Variants in PSMC5 observed in about 807,000 individuals in gnomAD.
The protein encoded by PSMC5 is 26S proteasome regulatory subunit 8.
In PSMC5, 11 loss-of-function variants were observed where a neutral mutation model predicts 49.1. The observed-to-expected ratio is 0.22, with a 90% CI of 0.14 to 0.37. The LOEUF (loss-of-function observed/expected upper bound fraction) is 0.37. Among genes scored for constraint, PSMC5 ranks in the 10% least tolerant of loss-of-function variants. PSMC5 has a pLI of 1.00. For missense variants in PSMC5, 229 were observed against 520.9 expected (o/e 0.44, Z 5.45); for synonymous variants, 206 against 192.2 (o/e 1.07, Z -0.59).
intron 1 of PSMC5, chr17:63,827,755 G>T: frequency 7.0e-7 from 1 of 1,432,804 alleles, no homozygotes; most frequent in South Asian, 1.5e-5. Flanking sequence ...GATGGGCGCG[G>T]GAATGGCCGG....
chr17:63,830,531 A>G lies in PSMC5; in HGVS notation c.552+30A>G, dbSNP rs375105001. On this transcript the variant is annotated intron_variant, in intron 6 of 11. Transcript: ENST00000310144. This position sits in a 1 kb window ranked among gnomAD's most constrained non-coding sequence, Gnocchi z 4.0. ...GGAGCAGGGCTTCTCTGAGAGGGCC[A>G]AGCTGTACTTACTCCTCCTGCCCCA... is the stretch of plus-strand genomic sequence containing the variant. 41 of 1,610,558 alleles carry G rather than the reference A, an allele frequency of 2.5e-5. 1 individual carries two copies.
intron 2 of PSMC5, chr17:63,828,807 G>C (rs761070642): frequency 6.5e-6 from 1 of 154,738 alleles, no homozygotes; most frequent in Non-Finnish European, 1.4e-5. Flanking sequence ...TAGTCTGTTA[G>C]TGTTACGTTA....
rs767548760 is a variant in PSMC5 at position 63,831,880 on chromosome 17, T to G, written c.1168-36T>G. On this transcript the variant is annotated intron_variant, in intron 11 of 11. Coordinates refer to ENST00000310144, the MANE Select transcript of PSMC5 (RefSeq NM_002805.6). The surrounding 1 kb of genome is among the most constrained non-coding windows in gnomAD (Gnocchi z 6.3). Reference sequence around the variant, plus strand: ...GCAGTGGGCTAGGGCATGTGTGTGTTCGTAACTTAATGTTCATTCTCTCTC... The same window carrying G: ...GCAGTGGGCTAGGGCATGTGTGTGTGCGTAACTTAATGTTCATTCTCTCTC... 6.2e-7 allele frequency: 1 copy of G among 1,613,072 alleles called. No individual in the cohort carries two copies. The highest frequency in any genetic ancestry group is 2.2e-5 in the East Asian group (1 of 44,882).
chr17:63,829,436 C>T, intron 2 of PSMC5, 58 bp from the exon 3 acceptor site: 1 of 1,507,180 alleles, frequency 6.6e-7, no homozygotes, highest in Non-Finnish European at 9.0e-7. Flanking sequence ...TGGCCAAGAT[C>T]CTACCTCCTC....
In PSMC5 at chr17:63,831,089, A is replaced by G; in HGVS notation, c.733A>G (p.Ile245Val). The G allele has an allele frequency of 2.6e-6, 4 of 1,568,114 alleles. No individual in the cohort carries two copies. The highest frequency in any genetic ancestry group is 3.5e-6 in the Non-Finnish European group (4 of 1,156,638). ...CATGGCACGGGAACATGCTCCATCT[A>G]TCATCTTCATGGACGAAATCGACTC... Reference protein sequence around the residue: ...FVMAREHAPSIIFMDEIDSIG... With the variant: ...FVMAREHAPSVIFMDEIDSIG... The change falls in exon 8 of 12, where the codon ATC becomes GTC. Residue 245 changes from isoleucine to valine, a missense_variant. Ile to Val is a conservative substitution (Grantham distance 29). Around this residue, in one of 4 missense-constraint regions of PSMC5, gnomAD observed 121 missense variants for 330.6 expected, o/e 0.37. Coordinates refer to ENST00000310144, the MANE Select transcript of PSMC5 (RefSeq NM_002805.6). This position sits in a 1 kb window ranked among gnomAD's most constrained non-coding sequence, Gnocchi z 6.3.
At position 63,831,299 on chromosome 17, in the gene PSMC5, C is replaced by T. The variant is rs1184857204; in HGVS notation, c.871-28C>T. 4 of 1,612,822 alleles carry T rather than the reference C, an allele frequency of 2.5e-6. No individual in the cohort carries two copies. The highest frequency in any genetic ancestry group is 3.4e-6 in the Non-Finnish European group (4 of 1,179,410). On this transcript the variant is annotated intron_variant, in intron 8 of 11. Coordinates refer to ENST00000310144, the MANE Select transcript of PSMC5 (RefSeq NM_002805.6). The surrounding 1 kb of genome is among the most constrained non-coding windows in gnomAD (Gnocchi z 6.3). Reference sequence around the variant, plus strand: ...CACGCAGGCTGAGGAAGAGGTTTAGCTGATCCCCACTTGCTTTCTCTGCTC... The same window carrying T: ...CACGCAGGCTGAGGAAGAGGTTTAGTTGATCCCCACTTGCTTTCTCTGCTC...
chr17:63,830,774 A>G lies in PSMC5; in HGVS notation c.553-35A>G, dbSNP rs2040174441. ...GTTCACTGAATGAAATGAGGGGTGT[A>G]GCTTTCTGCCCTGAGTCCTGCTGTT... On this transcript the variant is annotated intron_variant, in intron 6 of 11. Coordinates refer to ENST00000310144, the MANE Select transcript of PSMC5 (RefSeq NM_002805.6). This position sits in a 1 kb window ranked among gnomAD's most constrained non-coding sequence, Gnocchi z 4.0. The G allele has an allele frequency of 1.2e-6, 2 of 1,611,770 alleles. No homozygotes were observed.
intron 3 of PSMC5, 71 bp from the exon 4 acceptor site, chr17:63,829,781 T>G: frequency 1.4e-6 from 2 of 1,477,016 alleles, no homozygotes; most frequent in Admixed American, 1.7e-5. Context: ...GCTTAGCTCA[T>G]GCACGTAGAA....
At position 63,831,979 on chromosome 17, in the gene PSMC5, C is replaced by G. The variant is rs1409589843; in HGVS notation, c.*10C>G. ...GAAATTATGGAAGTGAGTGGACAGC[C>G]TTTGTGTGTATCTCTCCAATAAAGC... is the stretch of plus-strand genomic sequence containing the variant. On this transcript the variant is annotated 3_prime_UTR_variant, in exon 12 of 12. Coordinates refer to ENST00000310144, the MANE Select transcript of PSMC5 (RefSeq NM_002805.6). This position sits in a 1 kb window ranked among gnomAD's most constrained non-coding sequence, Gnocchi z 6.3. The G allele has an allele frequency of 2.5e-6, 4 of 1,612,126 alleles. No homozygotes were observed. The African/African-American group carries it at 5.3e-5, about 22-fold the overall frequency.
intron 2 of PSMC5, chr17:63,829,262 C>T (rs2144617090): frequency 2.1e-6 from 1 of 481,526 alleles, no homozygotes; most frequent in Non-Finnish European, 3.7e-6. Flanking sequence ...GATTCTGTTA[C>T]TCCTGGACCA....
At chr17:63,827,662 C>A (rs2040126525) in intron 1 of PSMC5, 148 bp downstream of exon 1, 1 of 1,490,202 alleles carries the variant, frequency 6.7e-7, no homozygotes. Context: ...GCGACCGGAT[C>A]TGCTGTGTCA....
At chr17:63,827,833 G>C (rs1258517270) in intron 1 of PSMC5, 8 of 1,429,786 alleles carry the variant, frequency 5.6e-6, no homozygotes, top group Non-Finnish European at 7.3e-6. Context: ...CGTCAGTACT[G>C]ACACCTCGGG....
chr17:63,827,486 A>G lies in PSMC5; in HGVS notation c.-5A>G. On this transcript the variant is annotated 5_prime_UTR_variant, in exon 1 of 12. Coordinates refer to ENST00000310144, the MANE Select transcript of PSMC5 (RefSeq NM_002805.6). ...GATGCCGGCGGTCTCTGCTGAAGAG[A>G]GAAGATGGCGCTTGACGGACCAGAG... The G allele has an allele frequency of 6.4e-7, 1 of 1,551,654 alleles. No homozygotes were observed. The highest frequency in any genetic ancestry group is 2.0e-5 in the Admixed American group (1 of 50,998).
In PSMC5 at chr17:63,831,282, C is replaced by G; in HGVS notation, c.871-45C>G. On this transcript the variant is annotated intron_variant, in intron 8 of 11. Transcript: ENST00000310144. This position sits in a 1 kb window ranked among gnomAD's most constrained non-coding sequence, Gnocchi z 6.3. ...AGGGAAGGCCTGGGTGCCACGCAGGCTGAGGAAGAGGTTTAGCTGATCCCC... is the reference window on the plus strand; with the variant it reads ...AGGGAAGGCCTGGGTGCCACGCAGGGTGAGGAAGAGGTTTAGCTGATCCCC... 1 of 1,611,092 alleles carries G rather than the reference C, an allele frequency of 6.2e-7. No homozygotes were observed.
At chr17:63,829,396 T>C in intron 2 of PSMC5, 98 bp from the exon 3 acceptor site, 2 of 1,081,304 alleles carry the variant, frequency 1.8e-6, no homozygotes, top group Non-Finnish European at 2.8e-6. Flanking sequence ...CCTGTGCCCT[T>C]CCCTCAGCTC....
Position 63,830,032 on chromosome 17 carries a change from C to G in PSMC5, c.264+83C>G. Reference sequence around the variant, plus strand: ...GTGTGTAGCCTCGGGAGACAGGGTTCTGTGTTCTGTCAAGGTATTGTGGGA... The same window carrying G: ...GTGTGTAGCCTCGGGAGACAGGGTTGTGTGTTCTGTCAAGGTATTGTGGGA... On this transcript the variant is annotated intron_variant, in intron 4 of 11. Transcript: ENST00000310144. This position sits in a 1 kb window ranked among gnomAD's most constrained non-coding sequence, Gnocchi z 4.0. The G allele has an allele frequency of 6.4e-7, 1 of 1,563,578 alleles. No homozygotes were observed. The highest frequency in any genetic ancestry group is 8.7e-7 in the Non-Finnish European group (1 of 1,149,038).
At position 63,830,732 on chromosome 17, in the gene PSMC5, C is replaced by A. The variant is rs1041531933; in HGVS notation, c.553-77C>A. The A allele has an allele frequency of 2.3e-5, 36 of 1,568,008 alleles. No homozygotes were observed. Among genetic ancestry groups the A allele is most frequent in the Admixed American group, 9.2e-5 (5 of 54,598 alleles). The stretch of plus-strand genomic sequence containing the variant: ...TGTATCCCTAACATCTAGCAAGGGA[C>A]CCAGCACTCGGTAAATGTTCACTGA... On this transcript the variant is annotated intron_variant, in intron 6 of 11. Transcript: ENST00000310144. The surrounding 1 kb of genome is among the most constrained non-coding windows in gnomAD (Gnocchi z 4.0).
rs1312638077 is a variant in PSMC5 at position 63,828,170 on chromosome 17, A to G, written c.57A>G (p.Gly19=). 2 of 1,613,880 alleles carry G rather than the reference A, an allele frequency of 1.2e-6. No homozygotes were observed. The highest frequency in any genetic ancestry group is 1.7e-6 in the Non-Finnish European group (2 of 1,179,978). Residue 19 remains glycine (G), a synonymous_variant, in exon 2 of 12, where the codon GGA becomes GGG. Coordinates refer to ENST00000310144, the MANE Select transcript of PSMC5 (RefSeq NM_002805.6). The part of the protein sequence containing the change: ...MELEEGKAGS[G]LRQYYLSKIE... ...TGGAGGAGGGGAAGGCAGGCAGCGG[A>G]CTCCGCCAATATTATCTGTCCAAGA...
At position 63,829,532 on chromosome 17, in the gene PSMC5, G is replaced by T. The variant is rs1428040715; in HGVS notation, c.135G>T (p.Leu45=). The change falls in exon 3 of 12, where the codon CTG becomes CTT. Residue 45 remains leucine (L), a synonymous_variant. Transcript: ENST00000310144. ...ATAAGAGCCAAAACCTCCGGAGGCT[G>T]CAGGCACAGAGGAACGAACTAAATG... ...VNDKSQNLRR[L]QAQRNELNAK... 5 of 1,555,840 alleles carry T rather than the reference G, an allele frequency of 3.2e-6. No homozygotes were observed. The Admixed American group carries it at 7.7e-5, about 24-fold the overall frequency.
Sources: gnomAD v4.1 joint callset for allele counts on GRCh38, gnomAD v4.1.1 for gene constraint, gnomAD v4.1.1 regional missense constraint, Gnocchi (gnomAD v3.1) non-coding constraint, MANE v1.5 for transcripts, NCBI Gene and HGNC (gene_info 2026-07-23, HGNC 2026-07-21) for gene names.